TENM4: variants seen among roughly 807,000 people sequenced by gnomAD.
TENM4 encodes teneurin transmembrane protein 4, also known as teneurin-4.
Under a neutral mutation model 243.3 loss-of-function variants are expected in TENM4, and 82 were observed. The ratio of observed to expected loss-of-function variants is 0.34; its 90% CI spans 0.28 to 0.40. The LOEUF is 0.40. Among genes scored for constraint, TENM4 ranks in the 10% least tolerant of loss-of-function variants. The pLI is 1.00. For synonymous variants in TENM4, 1,412 were observed against 1,456.3 expected, an observed-to-expected ratio of 0.97 and a Z score of 0.69; for missense variants, 3,138 against 3,673.3, an observed-to-expected ratio of 0.85 and a Z score of 3.77.
At chr11:79,418,844 C>T (rs940892218) in intron 1 of TENM4, among the ~76,000 whole-genome samples, 9 of 152,222 alleles carry the variant, frequency 5.9e-5, no homozygotes, top group African/African-American at 2.2e-4. Context: ...TGGCTTTCCT[C>T]TGACTTTGCC....
chr11:78,796,875 A>G (rs1857171674), intron 15 of TENM4, among the ~76,000 whole-genome samples: 1 of 152,124 alleles, frequency 6.6e-6, no homozygotes, highest in African/African-American at 2.4e-5. Flanking sequence ...TTTTATCACT[A>G]CCTACTCATA....
chr11:78,773,376 G>A (rs1048894607), intron 17 of TENM4, among the ~76,000 whole-genome samples: 1 of 152,072 alleles, frequency 6.6e-6, no homozygotes, highest in East Asian at 1.9e-4. Context: ...TTTTGGGGGC[G>A]GTTAAGTAAG....
chr11:78,799,248 A>G (rs1453334527), intron 15 of TENM4, among the ~76,000 whole-genome samples: 1 of 152,166 alleles, frequency 6.6e-6, no homozygotes, highest in African/African-American at 2.4e-5. Flanking sequence ...CATCTAGACA[A>G]TGATCTAGAT....
At chr11:79,063,004 C>T (rs1197584063) in intron 6 of TENM4, among the ~76,000 whole-genome samples, 3 of 152,096 alleles carry the variant, frequency 2.0e-5, no homozygotes, top group South Asian at 2.1e-4. Flanking sequence ...TGGGGACCAA[C>T]GGAGAGTGAC....
At chr11:78,965,656 G>A (rs572407047) in intron 6 of TENM4, among the ~76,000 whole-genome samples, 20 of 152,318 alleles carry the variant, frequency 1.3e-4, no homozygotes, top group Admixed American at 3.9e-4. Context: ...ACGGCAGAAC[G>A]GCACTGAGCC....
intron 19 of TENM4, among the ~76,000 whole-genome samples, chr11:78,745,515 C>A (rs114205697): frequency 6.6e-6 from 1 of 151,808 alleles, no homozygotes; most frequent in South Asian, 2.1e-4. Flanking sequence ...CAGGCATGAG[C>A]CACTGTGCCC....
rs1412382672 is a variant in TENM4, at chr11:78,786,909, T to C, written c.2354A>G (p.His785Arg). Residue 785 changes from histidine (H) to arginine (R), a missense_variant, in exon 16 of 34, where the codon CAC becomes CGC. By Grantham distance (29) the His-to-Arg change is conservative. Around this residue, in one of 2 missense-constraint regions of TENM4, gnomAD observed 2,467 missense variants for 3,059.1 expected, o/e 0.81. Coordinates refer to ENST00000278550, the MANE Select transcript of TENM4 (RefSeq NM_001098816.3). ...CECSPGWNGE[H>R]CTIAHYLDRV... is the part of the protein sequence containing the mutation. ...TCGGCCCGCCATACCGATGGTGCAG[T>C]GTTCGCCATTCCAGCCAGGGCTGCA... 2.5e-6 allele frequency: 4 copies of C among 1,608,784 alleles called. No homozygotes were observed. Among genetic ancestry groups the C allele is most frequent in the South Asian group, 2.2e-5 (2 of 89,600 alleles).
chr11:78,881,775 C>T (rs940479677), intron 9 of TENM4, among the ~76,000 whole-genome samples: 2 of 152,236 alleles, frequency 1.3e-5, no homozygotes, highest in Non-Finnish European at 2.9e-5. Flanking sequence ...CCCTCTTCAG[C>T]CCTGCAGAGC....
chr11:78,689,193 A>G (rs934493643), intron 28 of TENM4, among the ~76,000 whole-genome samples: 1 of 152,158 alleles, frequency 6.6e-6, no homozygotes, highest in Non-Finnish European at 1.5e-5. Context: ...ACTCAGATCT[A>G]TTTGCTTCCA....
chr11:78,729,261 T>G, intron 22 of TENM4, 115 bp downstream of exon 22: 2 of 1,188,834 alleles, frequency 1.7e-6, no homozygotes, highest in Non-Finnish European at 2.3e-6. Flanking sequence ...AAAGGTCAAT[T>G]AAGCCTTAGG....
chr11:79,113,278 G>A (rs4483616), intron 4 of TENM4, among the ~76,000 whole-genome samples: 28,619 of 151,614 alleles, frequency 0.19, 3,223 homozygotes, highest in African/African-American at 0.32. Context: ...AGGCTGTCTT[G>A]GAGTGGATCC....
At chr11:79,061,507 G>A (rs1860084733) in intron 6 of TENM4, among the ~76,000 whole-genome samples, 1 of 152,124 alleles carries the variant, frequency 6.6e-6, no homozygotes, top group Non-Finnish European at 1.5e-5. Flanking sequence ...CCATTTCTCT[G>A]TCCCACTATC....
intron 9 of TENM4, among the ~76,000 whole-genome samples, chr11:78,865,393 C>G (rs1312962052): frequency 6.6e-6 from 1 of 152,236 alleles, no homozygotes; most frequent in Non-Finnish European, 1.5e-5. Flanking sequence ...AAGGCCCAGG[C>G]TTGCCTGCTT....
chr11:79,113,417 G>GTGTGTGTGTGTT lies in TENM4; in HGVS notation c.-66+35292_-66+35293insAACACACACACA, dbSNP rs1411158200. 5.9e-5 allele frequency among the ~76,000 whole-genome samples: 9 copies of GTGTGTGTGTGTT among 151,794 alleles called. No individual in the cohort carries two copies. The South Asian group carries it at 1.0e-3, about 18-fold the overall frequency. On this transcript the variant is annotated intron_variant, in intron 4 of 33. Coordinates refer to ENST00000278550, the MANE Select transcript of TENM4 (RefSeq NM_001098816.3). ...GGTGTGTGTGTGTGTGTGTGTGTGT[G>GTGTGTGTGTGTT]TGTTGTGTGTGTGACAGAGAGAGAG...
At chr11:79,235,007 A>T (rs966413888) in intron 2 of TENM4, among the ~76,000 whole-genome samples, 2 of 152,104 alleles carry the variant, frequency 1.3e-5, no homozygotes, top group Admixed American at 1.3e-4. Context: ...GAAGACTAAA[A>T]ATCCCATCAG....
chr11:79,014,403 A>G (rs1858722939), intron 6 of TENM4, among the ~76,000 whole-genome samples: 1 of 152,188 alleles, frequency 6.6e-6, no homozygotes, highest in Non-Finnish European at 1.5e-5. Flanking sequence ...TTATCTATTA[A>G]TTTATTATCT....
intron 6 of TENM4, among the ~76,000 whole-genome samples, chr11:79,056,056 C>A (rs77814136): frequency 0.036 from 5,515 of 152,230 alleles, 313 homozygotes; most frequent in African/African-American, 0.12. Flanking sequence ...TCCTTGAAGT[C>A]ATCCTGGGTC....
intron 3 of TENM4, among the ~76,000 whole-genome samples, chr11:79,150,480 C>T (rs1405319086): frequency 6.6e-6 from 1 of 152,138 alleles, no homozygotes; most frequent in Non-Finnish European, 1.5e-5. Context: ...CCCCCAAGTT[C>T]CTTTTCTCCT....
At chr11:78,713,649 A>ACCT (rs1859451963) in intron 25 of TENM4, among the ~76,000 whole-genome samples, 2 of 152,224 alleles carry the variant, frequency 1.3e-5, no homozygotes. Flanking sequence ...GTTAACAGCT[A>ACCT]CCTTGCTAGT....
Sources: gnomAD v4.1 joint callset for allele counts (sites outside exome capture counted in the v4.1 genomes callset) on GRCh38, gnomAD v4.1.1 for gene constraint, gnomAD v4.1.1 regional missense constraint, MANE v1.5 for transcripts, NCBI Gene and HGNC (gene_info 2026-07-23, HGNC 2026-07-21) for gene names.